DLEC1: variants seen among roughly 807,000 people sequenced by gnomAD.
DLEC1 encodes deleted in lung and esophageal cancer protein 1.
DLEC1 carries 146 observed loss-of-function variants against 198.1 expected under a neutral mutation model. That is an observed-to-expected ratio of 0.74 (90% CI 0.64 to 0.85). The LOEUF (loss-of-function observed/expected upper bound fraction) is 0.85, where lower values mean the gene tolerates loss of function less well. Among genes scored for constraint, DLEC1 ranks in the 40% least tolerant of loss-of-function variants. The pLI is 0.00. For missense variants in DLEC1, 2,233 were observed against 2,220.0 expected (o/e 1.01, Z -0.12); for synonymous variants, 897 against 866.8 (o/e 1.03, Z -0.61).
chr3:38,054,498 AG>A (rs111929320), intron 2 of DLEC1, among the ~76,000 whole-genome samples: 1 of 152,172 alleles, frequency 6.6e-6, no homozygotes, highest in Non-Finnish European at 1.5e-5. Context: ...CAGGTTTCCC[AG>A]GGGGTGACAC....
intron 14 of DLEC1, 66 bp from the exon 15 acceptor site, chr3:38,096,503 G>C (rs1699025416): frequency 1.9e-6 from 3 of 1,539,386 alleles, no homozygotes; most frequent in Non-Finnish European, 2.6e-6. Context: ...TGGGACAGAG[G>C]CAGGGACACT....
chr3:38,078,627 T>C (rs1450791648), intron 6 of DLEC1, among the ~76,000 whole-genome samples: 1 of 152,054 alleles, frequency 6.6e-6, no homozygotes, highest in East Asian at 1.9e-4. Flanking sequence ...AGTAATGGGG[T>C]CTATCTGTGA....
intron 6 of DLEC1, among the ~76,000 whole-genome samples, chr3:38,073,772 A>T (rs1306115618): frequency 6.6e-6 from 1 of 152,136 alleles, no homozygotes; most frequent in Non-Finnish European, 1.5e-5. Flanking sequence ...GGGCTAGGGA[A>T]ACAGGCCTTT....
In DLEC1 at chr3:38,108,395, T is replaced by C. The variant is rs1699680754; in HGVS notation, c.3019-10T>C. The stretch of plus-strand genomic sequence containing the variant: ...GTAAGTGACAACAGGCTCACTCATG[T>C]GTCTGCCAGCTCCTCGGACACCAAG... On this transcript the variant is annotated splice_polypyrimidine_tract_variant and intron_variant, in intron 20 of 36. Coordinates refer to ENST00000308059, the MANE Select transcript of DLEC1 (RefSeq NM_007335.4). 1.2e-6 allele frequency: 2 copies of C among 1,611,556 alleles called. No individual in the cohort carries two copies. Among genetic ancestry groups the C allele is most frequent in the Non-Finnish European group, 1.7e-6 (2 of 1,178,132 alleles).
At chr3:38,098,976 G>A (rs1429632204) in intron 18 of DLEC1, among the ~76,000 whole-genome samples, 1 of 152,170 alleles carries the variant, frequency 6.6e-6, no homozygotes, top group Non-Finnish European at 1.5e-5. Flanking sequence ...AAAAGACTAA[G>A]GCTGGCGCTT....
chr3:38,081,193 GAA>G (rs1285667032), intron 6 of DLEC1, among the ~76,000 whole-genome samples: 37 of 140,006 alleles, frequency 2.6e-4, no homozygotes, highest in African/African-American at 9.4e-4. Flanking sequence ...AGAACAAAAT[GAA>G]AAGTCTCCCA....
At position 38,121,777 on chromosome 3, in the gene DLEC1, G is replaced by T. The variant is rs768845059; in HGVS notation, c.5016G>T (p.Leu1672=). 4 of 1,613,838 alleles carry T rather than the reference G, an allele frequency of 2.5e-6. No homozygotes were observed. In the African/African-American group the frequency reaches 5.3e-5, roughly 22 times the overall value. Residue 1672 remains leucine (L), a synonymous_variant, in exon 35 of 37, where the codon CTG becomes CTT. Transcript: ENST00000308059. ...LSGCRSYWTM[L]MGQQEPAKAA... ...GGTGCCGAAGCTACTGGACTATGCT[G>T]ATGGGTATGTCCTACCCTGCCACCT...
chr3:38,104,473 C>G (rs1699467193), intron 19 of DLEC1, among the ~76,000 whole-genome samples: 2 of 151,506 alleles, frequency 1.3e-5, no homozygotes, highest in Non-Finnish European at 2.9e-5. Context: ...CCCATCCCCC[C>G]AAAAAAAGAT....
chr3:38,088,874 CT>C (rs897265468), intron 10 of DLEC1, among the ~76,000 whole-genome samples: 6 of 152,198 alleles, frequency 3.9e-5, no homozygotes, highest in Non-Finnish European at 7.3e-5. Context: ...TGGTCTGCCC[CT>C]GGCTGTGGGC....
At chr3:38,056,599 C>A (rs1037322621) in intron 2 of DLEC1, among the ~76,000 whole-genome samples, 2 of 152,158 alleles carry the variant, frequency 1.3e-5, no homozygotes, top group Admixed American at 6.5e-5. Flanking sequence ...CGTGAGCCAC[C>A]ATGCCCGGCC....
chr3:38,100,934 G>A (rs6599262), intron 19 of DLEC1, among the ~76,000 whole-genome samples: 59,804 of 151,978 alleles, frequency 0.39, 12,445 homozygotes, highest in East Asian at 0.6. Context: ...CAAAGGTATT[G>A]GTAGTATTCC....
In DLEC1 at chr3:38,123,216, T is replaced by G; in HGVS notation, c.*804T>G. ...AGAAGGACGTCATGGACAAGTAGGA[T>G]GCAAAACCATCAGACCAGATCTGTG... On this transcript the variant is annotated 3_prime_UTR_variant, in exon 37 of 37. Transcript: ENST00000308059. 8.0e-7 allele frequency: 1 copy of G among 1,248,636 alleles called. No homozygotes were observed. The highest frequency in any genetic ancestry group is 2.3e-5 in the East Asian group (1 of 42,988). 77.3% of individuals were successfully genotyped at this position (1,248,636 alleles called of 1,614,324 possible).
At chr3:38,109,664 G>C in intron 22 of DLEC1, 102 bp downstream of exon 22, 3 of 1,563,014 alleles carry the variant, frequency 1.9e-6, no homozygotes, top group Non-Finnish European at 2.6e-6. Flanking sequence ...GCGCCCATCT[G>C]ATTCCTGCAG....
intron 6 of DLEC1, among the ~76,000 whole-genome samples, chr3:38,079,655 T>C (rs1201085828): frequency 1.3e-5 from 2 of 151,812 alleles, no homozygotes; most frequent in Non-Finnish European, 2.9e-5. Flanking sequence ...TCCAGTGGGG[T>C]CCCACACAGA....
intron 12 of DLEC1, among the ~76,000 whole-genome samples, chr3:38,093,986 G>T (rs1460560102): frequency 6.6e-6 from 1 of 152,184 alleles, no homozygotes; most frequent in Non-Finnish European, 1.5e-5. Flanking sequence ...ATTAAATTAA[G>T]AGCTCACTTC....
intron 6 of DLEC1, among the ~76,000 whole-genome samples, chr3:38,076,054 G>A (rs62240696): frequency 0.2 from 29,763 of 152,114 alleles, 3,513 homozygotes; most frequent in East Asian, 0.35. Flanking sequence ...GACCGGCACC[G>A]GAGTTTTGGG....
At chr3:38,082,482 C>T (rs1372113873) in intron 6 of DLEC1, among the ~76,000 whole-genome samples, 4 of 152,128 alleles carry the variant, frequency 2.6e-5, no homozygotes, top group South Asian at 2.1e-4. Context: ...GGGCCCGTCC[C>T]GGTTCGGGTG....
chr3:38,053,970 T>C (rs539293521), intron 2 of DLEC1, among the ~76,000 whole-genome samples: 172 of 152,212 alleles, frequency 1.1e-3, no homozygotes, highest in African/African-American at 4.1e-3. Context: ...CAAGATGTGC[T>C]TTGTTAAACA....
At position 38,116,857 on chromosome 3, in the gene DLEC1, G is replaced by A. The variant is rs192111270; in HGVS notation, c.4147G>A (p.Gly1383Ser). The change falls in exon 29 of 37, where the codon GGC becomes AGC. Residue 1383 changes from glycine (G) to serine (S), a missense_variant. Coordinates refer to ENST00000308059, the MANE Select transcript of DLEC1 (RefSeq NM_007335.4). ...ILQAHEGVPS[G>S]HLYCISPKQV... ...GCAGGCACATGAGGGGGTGCCCTCCGGCCACCTGTACTGTATCAGCCCCAA... is the reference window on the plus strand; with the variant it reads ...GCAGGCACATGAGGGGGTGCCCTCCAGCCACCTGTACTGTATCAGCCCCAA... The A allele has an allele frequency of 4.6e-4, 746 of 1,613,648 alleles. 2 individuals carry two copies. Among genetic ancestry groups the A allele is most frequent in the East Asian group, 1.9e-3 (86 of 44,876 alleles).
Sources: allele counts gnomAD v4.1 joint callset (sites outside exome capture counted in the v4.1 genomes callset), GRCh38; gene constraint gnomAD v4.1.1; transcripts MANE v1.5; gene names NCBI Gene and HGNC (gene_info 2026-07-23, HGNC 2026-07-21).